Variants in RIMOC1 observed in about 807,000 individuals in gnomAD.
RIMOC1 encodes RAB7A-interacting MON1-CCZ1 complex subunit 1.
the RIMOC1 span, chr5:41,918,096 G>A: frequency 1.0e-5 from 10 of 985,682 alleles, no homozygotes; most frequent in Non-Finnish European, 1.2e-5. Context: ...AGGCCAGAGA[G>A]CCTAACTTGA....
chr5:41,907,724 T>A, the RIMOC1 span: 9 of 1,554,612 alleles, frequency 5.8e-6, no homozygotes, highest in Non-Finnish European at 7.9e-6. Context: ...CTCATGTTTT[T>A]ATTTCTTATA....
chr5:41,912,278 A>AGAGCCAAAGAATTG, the RIMOC1 span: 1 of 735,148 alleles, frequency 1.4e-6, no homozygotes. Context: ...AATAAATGTC[A>AGAGCCAAAGAATTG]AGGTAGATTA....
chr5:41,920,027 A>T, the RIMOC1 span: 9 of 152,180 alleles, frequency 5.9e-5, no homozygotes, highest in Non-Finnish European at 1.2e-4. Flanking sequence ...CCAAACTGCT[A>T]TGCCCTCTAT....
the RIMOC1 span, among the ~76,000 whole-genome samples, chr5:41,916,702 TC>T: frequency 8.5e-4 from 130 of 152,300 alleles, no homozygotes; most frequent in African/African-American, 2.9e-3. Flanking sequence ...GAAGTTCTAT[TC>T]CTTAAATTAG....
the RIMOC1 span, among the ~76,000 whole-genome samples, chr5:41,908,035 TG>T: frequency 6.6e-6 from 1 of 152,170 alleles, no homozygotes; most frequent in East Asian, 1.9e-4. Context: ...ATTTATTAGA[TG>T]TGTTAATAAG....
chr5:41,908,432 G>A, the RIMOC1 span: 1 of 152,102 alleles, frequency 6.6e-6, no homozygotes, highest in African/African-American at 2.4e-5. Context: ...AGTTGATAGA[G>A]TGTTTTCATG....
chr5:41,907,659 T>G, the RIMOC1 span: 15 of 772,494 alleles, frequency 1.9e-5, no homozygotes, highest in African/African-American at 2.0e-4. Flanking sequence ...CATTTCATCT[T>G]CATACATAAT....
chr5:41,918,638 C>CTTCA, the RIMOC1 span: 1 of 985,256 alleles, frequency 1.0e-6, no homozygotes. Flanking sequence ...AAGTGTCTCA[C>CTTCA]TTCAGCCTTA....
At chr5:41,912,440 C>G in the RIMOC1 span, among the ~76,000 whole-genome samples, 4 of 152,160 alleles carry the variant, frequency 2.6e-5, no homozygotes, top group Non-Finnish European at 4.4e-5. Context: ...CATCCTCACA[C>G]AGCCCTGTAA....
chr5:41,916,744 A>G, the RIMOC1 span, among the ~76,000 whole-genome samples: 1 of 152,146 alleles, frequency 6.6e-6, no homozygotes, highest in Non-Finnish European at 1.5e-5. Context: ...GTGGACCCCA[A>G]AAAGGTCAAA....
the RIMOC1 span, among the ~76,000 whole-genome samples, chr5:41,906,804 T>A: frequency 2.0e-5 from 3 of 152,348 alleles, no homozygotes; most frequent in Non-Finnish European, 4.4e-5. Flanking sequence ...CTCCTGAGGC[T>A]GGATCAGGTA....
chr5:41,907,583 G>A, the RIMOC1 span, among the ~76,000 whole-genome samples: 1 of 152,060 alleles, frequency 6.6e-6, no homozygotes, highest in Non-Finnish European at 1.5e-5. Flanking sequence ...GATATTTCAT[G>A]TTTTAGATAA....
the RIMOC1 span, chr5:41,916,508 G>A: frequency 1.1e-6 from 1 of 919,714 alleles, no homozygotes; most frequent in Non-Finnish European, 1.3e-6. Flanking sequence ...GGACTCTCAG[G>A]CATGATTATG....
chr5:41,912,336 A>G, the RIMOC1 span, among the ~76,000 whole-genome samples: 1 of 152,260 alleles, frequency 6.6e-6, no homozygotes, highest in Admixed American at 6.5e-5. Flanking sequence ...AAATTCAAAG[A>G]TAAAATCTTT....
At chr5:41,908,778 G>A in the RIMOC1 span, among the ~76,000 whole-genome samples, 1,030 of 152,114 alleles carry the variant, frequency 6.8e-3, 18 homozygotes, top group African/African-American at 0.024. Flanking sequence ...CTGGAATAAG[G>A]CAAAAGACCT....
the RIMOC1 span, chr5:41,912,175 T>C: frequency 6.4e-7 from 1 of 1,567,916 alleles, no homozygotes; most frequent in Non-Finnish European, 8.8e-7. Flanking sequence ...GCTAAATTAC[T>C]GAGTGCAGGT....
the RIMOC1 span, among the ~76,000 whole-genome samples, chr5:41,906,069 TTAATG>T: frequency 6.6e-6 from 1 of 152,226 alleles, no homozygotes; most frequent in Non-Finnish European, 1.5e-5. Flanking sequence ...ACTTTGTTCT[TTAATG>T]TAATGAGTAT....
At chr5:41,905,638 A>G in the RIMOC1 span, among the ~76,000 whole-genome samples, 2 of 152,262 alleles carry the variant, frequency 1.3e-5, no homozygotes, top group African/African-American at 4.8e-5. Flanking sequence ...GTGGATTCAC[A>G]TGAATAATTC....
chr5:41,908,074 A>G, the RIMOC1 span, among the ~76,000 whole-genome samples: 1 of 152,334 alleles, frequency 6.6e-6, no homozygotes, highest in African/African-American at 2.4e-5. Flanking sequence ...TCTTACAGAT[A>G]ACGGAATTGT....
Sources: allele counts gnomAD v4.1 joint callset (sites outside exome capture counted in the v4.1 genomes callset), GRCh38; gene constraint gnomAD v4.1.1; transcripts MANE v1.5; gene names NCBI Gene and HGNC (gene_info 2026-07-23, HGNC 2026-07-21).